LSM7: variants seen among roughly 807,000 people sequenced by gnomAD.
LSM7 encodes U6 snRNA-associated Sm-like protein LSm7.
Under a neutral mutation model 14.1 loss-of-function variants are expected in LSM7, and 13 were observed. That is an observed-to-expected ratio of 0.92 (90% confidence interval 0.60 to 1.47). The LOEUF is 1.47. Ranked by LOEUF, LSM7 falls within the 40% of genes most tolerant of loss-of-function variation. The pLI is 0.00. For missense variants in LSM7, 108 were observed against 140.8 expected (o/e 0.77, Z 1.18); for synonymous variants, 70 against 57.1 (o/e 1.23, Z -1.02).
At chr19:2,323,395 G>A (rs1967963351) in intron 3 of LSM7, among the ~76,000 whole-genome samples, 1 of 152,232 alleles carries the variant, frequency 6.6e-6, no homozygotes, top group South Asian at 2.1e-4. Context: ...GCTGAAGCAG[G>A]AGGATGGCTT....
At chr19:2,328,264 C>T in intron 2 of LSM7, 123 bp downstream of exon 2, 2 of 837,192 alleles carry the variant, frequency 2.4e-6, no homozygotes, top group Non-Finnish European at 3.6e-6. Flanking sequence ...AGCGAGACTG[C>T]GTCTCAAAAA....
In LSM7 at chr19:2,321,656, G is replaced by A; in HGVS notation, c.*24C>T. The A allele has an allele frequency of 1.4e-6, 2 of 1,462,302 alleles. No individual in the cohort carries two copies. The highest frequency in any genetic ancestry group is 1.8e-6 in the Non-Finnish European group (2 of 1,104,272). The allele number at this position is 1,462,302 out of a possible 1,614,324, so 90.6% of individuals were successfully genotyped here. On this transcript the variant is annotated 3_prime_UTR_variant, in exon 4 of 4. Transcript: ENST00000252622. The surrounding 1 kb of genome is among the most constrained non-coding windows in gnomAD (Gnocchi z 5.0). ...AAACCGAGCTGCTCGGGCCTGCCCT[G>A]CACCCCCCGCGCCCCCGGCCAGGCT...
At chr19:2,323,595 C>A (rs1025508361) in intron 3 of LSM7, among the ~76,000 whole-genome samples, 3 of 152,166 alleles carry the variant, frequency 2.0e-5, no homozygotes, top group African/African-American at 7.2e-5. Flanking sequence ...GGATTACAGG[C>A]ATGCGCCACC....
At position 2,321,734 on chromosome 19, in the gene LSM7, C is replaced by T. The variant is rs771030699; in HGVS notation, c.258G>A (p.Pro86=). ...CRGTSVVLIC[P]QDGMEAIPNP... is the part of the protein sequence containing the mutation. Reference sequence around the variant, plus strand: ...TGGGGATGGCCTCCATGCCGTCCTGCGGGCAGATTAGCACCACGGACGTGC... The same window carrying T: ...TGGGGATGGCCTCCATGCCGTCCTGTGGGCAGATTAGCACCACGGACGTGC... Residue 86 remains proline, a synonymous_variant, in exon 4 of 4, where the codon CCG becomes CCA. Coordinates refer to ENST00000252622, the MANE Select transcript of LSM7 (RefSeq NM_016199.3). This position sits in a 1 kb window ranked among gnomAD's most constrained non-coding sequence, Gnocchi z 5.0. The T allele has an allele frequency of 3.8e-5, 59 of 1,569,784 alleles. No homozygotes were observed. The highest frequency in any genetic ancestry group is 2.0e-4 in the African/African-American group (15 of 73,656).
At chr19:2,326,315 TGTGTGTGTGTGTGTGTGTG>T (rs1166670790) in intron 2 of LSM7, among the ~76,000 whole-genome samples, 4 of 67,626 alleles carry the variant, frequency 5.9e-5, no homozygotes, top group African/African-American at 9.2e-5. Context: ...CTGCTTTTTG[TGTGTGTGTGTGTGTGTGTG>T]TGTGTGTGTG....
chr19:2,324,805 T>G (rs1484711370), intron 2 of LSM7: 1 of 153,994 alleles, frequency 6.5e-6, no homozygotes, highest in Non-Finnish European at 1.4e-5. Flanking sequence ...GAGATCCCAT[T>G]TCTATGAAAT....
chr19:2,325,150 C>A (rs1346789073), intron 2 of LSM7, among the ~76,000 whole-genome samples: 1 of 152,202 alleles, frequency 6.6e-6, no homozygotes, highest in Non-Finnish European at 1.5e-5. Context: ...TCAAGCTTCG[C>A]CGCCTTGGGC....
At chr19:2,324,440 C>T (rs1407395881) in intron 2 of LSM7, 10 of 531,240 alleles carry the variant, frequency 1.9e-5, no homozygotes, top group African/African-American at 7.6e-5. Flanking sequence ...CACAGGGTGC[C>T]GGTCACAGCT....
At chr19:2,324,513 G>A (rs10402823) in intron 2 of LSM7, 7,828 of 410,826 alleles carry the variant, frequency 0.019, 542 homozygotes, top group African/African-American at 0.14. Flanking sequence ...GCTGAACTGC[G>A]GCCGGTCAGC....
intron 2 of LSM7, among the ~76,000 whole-genome samples, chr19:2,327,381 T>A (rs1034767214): frequency 6.6e-6 from 1 of 152,034 alleles, no homozygotes; most frequent in Non-Finnish European, 1.5e-5. Flanking sequence ...TAGCTGGGAC[T>A]ACAAGCGTGC....
chr19:2,325,043 G>C (rs1417704445), intron 2 of LSM7: 2 of 152,282 alleles, frequency 1.3e-5, no homozygotes, highest in African/African-American at 2.4e-5. Context: ...GGCTTGCGGG[G>C]AGCAGGCAAC....
At chr19:2,324,392 CG>C in intron 2 of LSM7, 196 bp from the exon 3 acceptor site, 1 of 571,594 alleles carries the variant, frequency 1.7e-6, no homozygotes, top group Non-Finnish European at 3.2e-6. Flanking sequence ...ACCACGTCTG[CG>C]GGGGGCCAGA....
intron 3 of LSM7, 107 bp downstream of exon 3, chr19:2,324,018 A>G: frequency 1.1e-6 from 1 of 905,994 alleles, no homozygotes; most frequent in South Asian, 1.5e-5. Context: ...GCCAGCAGGG[A>G]GCCCCACGGC....
chr19:2,328,535 G>A (rs565310663), intron 1 of LSM7, 26 bp downstream of exon 1: 22 of 1,605,510 alleles, frequency 1.4e-5, no homozygotes, highest in African/African-American at 4.0e-5. Flanking sequence ...CACGCCCCCC[G>A]GCTCCAGATT....
chr19:2,321,678 G>T lies in LSM7; in HGVS notation c.*2C>A. 1 of 1,526,970 alleles carries T rather than the reference G, an allele frequency of 6.5e-7. No homozygotes were observed. The allele number at this position is 1,526,970 out of a possible 1,614,324, so 94.6% of individuals were successfully genotyped here. A position where few individuals can be genotyped will look rare whatever the true frequency, so the allele number is the denominator to read the frequency against. Reference sequence around the variant, plus strand: ...CCTGCACCCCCCGCGCCCCCGGCCAGGCTAGGCGTCCTGCTGCTGGATGAA... The same window carrying T: ...CCTGCACCCCCCGCGCCCCCGGCCATGCTAGGCGTCCTGCTGCTGGATGAA... On this transcript the variant is annotated 3_prime_UTR_variant, in exon 4 of 4. Transcript: ENST00000252622. The surrounding 1 kb of genome is among the most constrained non-coding windows in gnomAD (Gnocchi z 5.0).
intron 2 of LSM7, chr19:2,324,754 C>T (rs889681929): frequency 2.6e-5 from 4 of 155,402 alleles, no homozygotes; most frequent in South Asian, 2.0e-4. Flanking sequence ...GAGGACGTCA[C>T]GCTCAGTGAG....
intron 3 of LSM7, among the ~76,000 whole-genome samples, chr19:2,323,542 C>T (rs1051966454): frequency 2.6e-5 from 4 of 152,172 alleles, no homozygotes; most frequent in Non-Finnish European, 4.4e-5. Context: ...CCTCCGCCTC[C>T]CAGGTTCAAG....
At chr19:2,323,419 C>T (rs935925097) in intron 3 of LSM7, among the ~76,000 whole-genome samples, 13 of 152,160 alleles carry the variant, frequency 8.5e-5, no homozygotes, top group Non-Finnish European at 1.5e-4. Context: ...CCCAGGAGTT[C>T]GAGACCAGCC....
chr19:2,324,438 G>A, intron 2 of LSM7: 1 of 533,486 alleles, frequency 1.9e-6, no homozygotes, highest in East Asian at 3.0e-5. Context: ...GCCACAGGGT[G>A]CCGGTCACAG....
Sources: allele counts gnomAD v4.1 joint callset (sites outside exome capture counted in the v4.1 genomes callset), GRCh38; gene constraint gnomAD v4.1.1; non-coding constraint Gnocchi (gnomAD v3.1); transcripts MANE v1.5; gene names NCBI Gene and HGNC (gene_info 2026-07-23, HGNC 2026-07-21).